The following CERS6 variants were observed in gnomAD, a reference collection of about 807,000 sequenced individuals.
The protein encoded by CERS6 is ceramide synthase 6.
Under a neutral mutation model 56.8 loss-of-function variants are expected in CERS6, and 26 were observed. That is an observed-to-expected ratio of 0.46 (90% confidence interval 0.34 to 0.63). CERS6 has a LOEUF of 0.63. Among genes scored for constraint, CERS6 ranks in the 30% least tolerant of loss-of-function variants. CERS6 has a pLI of 0.01. For missense variants in CERS6, 415 were observed against 467.5 expected (o/e 0.89, Z 1.04); for synonymous variants, 164 against 173.3 (o/e 0.95, Z 0.42).
intron 4 of CERS6, among the ~76,000 whole-genome samples, chr2:168,654,377 C>T (rs943468465): frequency 5.9e-5 from 9 of 152,028 alleles, no homozygotes; most frequent in African/African-American, 2.2e-4. Context: ...AACCCCATCT[C>T]TATTAAAAAT....
intron 8 of CERS6, among the ~76,000 whole-genome samples, chr2:168,761,327 A>G (rs1376364986): frequency 6.6e-6 from 1 of 151,616 alleles, no homozygotes; most frequent in Non-Finnish European, 1.5e-5. Flanking sequence ...TCAGAAATTA[A>G]TGTGAATGCC....
At chr2:168,658,663 G>T (rs1467311624) in intron 4 of CERS6, among the ~76,000 whole-genome samples, 1 of 152,224 alleles carries the variant, frequency 6.6e-6, no homozygotes, top group African/African-American at 2.4e-5. Context: ...CCTTTGACTG[G>T]CAATATGCTA....
At chr2:168,703,608 G>A (rs1325218978) in intron 6 of CERS6, among the ~76,000 whole-genome samples, 1 of 152,042 alleles carries the variant, frequency 6.6e-6, no homozygotes, top group Non-Finnish European at 1.5e-5. Context: ...GCCTCACATT[G>A]CATCAGCATA....
chr2:168,760,913 G>A (rs868398505), intron 8 of CERS6, among the ~76,000 whole-genome samples: 98 of 152,130 alleles, frequency 6.4e-4, no homozygotes, highest in African/African-American at 2.2e-3. Context: ...CCGCCACCAC[G>A]CCCGGCTAAT....
intron 8 of CERS6, among the ~76,000 whole-genome samples, chr2:168,753,726 A>G (rs923090182): frequency 2.6e-5 from 4 of 152,218 alleles, no homozygotes; most frequent in African/African-American, 7.2e-5. Flanking sequence ...TTTCTAAGAT[A>G]AAAGTGAAGA....
chr2:168,554,315 G>A (rs1285895693), intron 2 of CERS6, among the ~76,000 whole-genome samples: 4 of 152,252 alleles, frequency 2.6e-5, no homozygotes, highest in Non-Finnish European at 5.9e-5. Flanking sequence ...GGTATGGGTC[G>A]AATTATTTTC....
Position 168,717,389 on chromosome 2 carries a change from A to G in CERS6, c.739-483A>G, listed in dbSNP as rs139417560. ...AAGAAAACCTACAATTTTAAGGAGAAAGGAAGAAAAACGCAGAAAAGCTCC... is the reference window on the plus strand; with the variant it reads ...AAGAAAACCTACAATTTTAAGGAGAGAGGAAGAAAAACGCAGAAAAGCTCC... On this transcript the variant is annotated intron_variant, in intron 7 of 9. Coordinates refer to ENST00000305747, the MANE Select transcript of CERS6 (RefSeq NM_203463.3). Among the ~76,000 whole-genome samples, 512 of 152,276 alleles carry G rather than the reference A, an allele frequency of 3.4e-3. 7 individuals carry two copies. Among genetic ancestry groups the G allele is most frequent in the African/African-American group, 0.01 (433 of 41,560 alleles).
chr2:168,637,932 A>G (rs1684900281), intron 4 of CERS6, among the ~76,000 whole-genome samples: 1 of 152,150 alleles, frequency 6.6e-6, no homozygotes, highest in South Asian at 2.1e-4. Context: ...ATTGGAATGG[A>G]AAAGACTATA....
intron 1 of CERS6, among the ~76,000 whole-genome samples, chr2:168,508,101 C>T (rs183351377): frequency 1.5e-4 from 23 of 152,280 alleles, no homozygotes; most frequent in South Asian, 6.2e-4. Context: ...TGATTCACTG[C>T]GTTCTAATTA....
chr2:168,648,731 C>T (rs1281722276), intron 4 of CERS6, among the ~76,000 whole-genome samples: 1 of 152,162 alleles, frequency 6.6e-6, no homozygotes, highest in Non-Finnish European at 1.5e-5. Flanking sequence ...TATCTTTGTT[C>T]TCATTCATTT....
intron 3 of CERS6, among the ~76,000 whole-genome samples, chr2:168,580,451 A>T (rs939067192): frequency 6.6e-6 from 1 of 152,136 alleles, no homozygotes; most frequent in African/African-American, 2.4e-5. Flanking sequence ...CCTCCTAGAA[A>T]ATCCAAGGTG....
At chr2:168,768,457 T>C (rs1023029571) in intron 9 of CERS6, among the ~76,000 whole-genome samples, 11 of 151,162 alleles carry the variant, frequency 7.3e-5, no homozygotes, top group Non-Finnish European at 1.5e-4. Flanking sequence ...GGCCTTGAAC[T>C]CCTGACCTCA....
chr2:168,597,423 G>A (rs1398524662), intron 3 of CERS6, among the ~76,000 whole-genome samples: 1 of 152,152 alleles, frequency 6.6e-6, no homozygotes, highest in Non-Finnish European at 1.5e-5. Flanking sequence ...ACATAAATAA[G>A]TAATGAATCT....
intron 1 of CERS6, among the ~76,000 whole-genome samples, chr2:168,459,562 C>T (rs936097654): frequency 3.3e-5 from 5 of 152,008 alleles, no homozygotes; most frequent in African/African-American, 9.7e-5. Context: ...AGCCTTTATA[C>T]CATACTTAAC....
chr2:168,458,057 A>G (rs779138007), intron 1 of CERS6, among the ~76,000 whole-genome samples: 16 of 152,190 alleles, frequency 1.1e-4, no homozygotes, highest in East Asian at 5.8e-4. Flanking sequence ...GTGTGTTTGC[A>G]GGTGTAGAGT....
chr2:168,697,275 C>T (rs1032335929), intron 6 of CERS6, among the ~76,000 whole-genome samples: 3 of 152,128 alleles, frequency 2.0e-5, no homozygotes, highest in Non-Finnish European at 2.9e-5. Flanking sequence ...CTTTGACACC[C>T]GTAATTTGTG....
At chr2:168,633,284 A>G (rs1413638910) in intron 4 of CERS6, among the ~76,000 whole-genome samples, 1 of 151,814 alleles carries the variant, frequency 6.6e-6, no homozygotes, top group Non-Finnish European at 1.5e-5. Flanking sequence ...TCAATTTTTG[A>G]TGAGCTGTGT....
chr2:168,591,824 C>T (rs1683677837), intron 3 of CERS6, among the ~76,000 whole-genome samples: 1 of 152,174 alleles, frequency 6.6e-6, no homozygotes, highest in South Asian at 2.1e-4. Flanking sequence ...TGGACCTTCT[C>T]AAACTTCGTT....
chr2:168,526,151 G>A (rs570139516), intron 1 of CERS6, among the ~76,000 whole-genome samples: 1 of 152,282 alleles, frequency 6.6e-6, no homozygotes, highest in African/African-American at 2.4e-5. Context: ...AAAACAAAAT[G>A]TCCCCCAAGA....
Sources: gnomAD v4.1 joint callset for allele counts (sites outside exome capture counted in the v4.1 genomes callset) on GRCh38, gnomAD v4.1.1 for gene constraint, MANE v1.5 for transcripts, NCBI Gene and HGNC (gene_info 2026-07-23, HGNC 2026-07-21) for gene names.